Variants in CDH13 observed in about 807,000 individuals in gnomAD.
CDH13 encodes the protein cadherin-13.
CDH13 carries 24 observed loss-of-function variants against 63.8 expected under a neutral mutation model. The observed-to-expected ratio is 0.38, with a 90% CI of 0.27 to 0.53. The LOEUF is 0.53. Among genes scored for constraint, CDH13 ranks in the 20% least tolerant of loss-of-function variants. The pLI, the probability that CDH13 is intolerant of heterozygous loss-of-function variation, is 0.85. For missense variants in CDH13, 1,049 were observed against 903.1 expected, an observed-to-expected ratio of 1.16 and a Z score of -2.07; for synonymous variants, 503 against 355.3, an observed-to-expected ratio of 1.42 and a Z score of -4.67.
intron 3 of CDH13, among the ~76,000 whole-genome samples, chr16:83,066,950 A>G (rs932770471): frequency 6.6e-6 from 1 of 152,176 alleles, no homozygotes; most frequent in African/African-American, 2.4e-5. Flanking sequence ...TTTGTCACCA[A>G]ATGCTGAAGT....
intron 10 of CDH13, among the ~76,000 whole-genome samples, chr16:83,704,616 T>C (rs146948932): frequency 1.6e-3 from 245 of 152,326 alleles, no homozygotes; most frequent in African/African-American, 5.7e-3. Flanking sequence ...TCCCCATCAG[T>C]GCAATTCTAA....
chr16:83,188,831 C>T (rs4563032), intron 4 of CDH13, among the ~76,000 whole-genome samples: 25,787 of 152,148 alleles, frequency 0.17, 2,229 homozygotes, highest in South Asian at 0.2. Context: ...CCTTCTTCAG[C>T]TGCTTGTCGC....
chr16:82,651,527 G>C (rs1170899632), intron 1 of CDH13, among the ~76,000 whole-genome samples: 2 of 152,202 alleles, frequency 1.3e-5, no homozygotes, highest in Admixed American at 1.3e-4. Context: ...TATATGGGTG[G>C]CGTATCTTCT....
At chr16:82,638,816 C>T (rs943272527) in intron 1 of CDH13, among the ~76,000 whole-genome samples, 9 of 51,166 alleles carry the variant, frequency 1.8e-4, no homozygotes, top group Admixed American at 5.5e-4. Context: ...TTTATTAGGG[C>T]AGTGTGTGCG....
chr16:82,825,327 C>T (rs1219593677), intron 1 of CDH13: 9 of 152,126 alleles, frequency 5.9e-5, no homozygotes, highest in East Asian at 5.8e-4. Context: ...TTTCACAACC[C>T]GAATTCACCA....
chr16:82,897,992 G>A (rs2041327626), intron 2 of CDH13, among the ~76,000 whole-genome samples: 1 of 152,158 alleles, frequency 6.6e-6, no homozygotes, highest in Non-Finnish European at 1.5e-5. Context: ...AAGCCACGTG[G>A]AGCTATTGAG....
chr16:83,103,720 C>G lies in CDH13; in HGVS notation c.367-21665C>G, dbSNP rs192818273. Among the ~76,000 whole-genome samples, 536 of 152,312 alleles carry G rather than the reference C, an allele frequency of 3.5e-3. 2 individuals are homozygous for G. Among genetic ancestry groups the G allele is most frequent in the Admixed American group, 5.9e-3 (91 of 15,310 alleles). ...CCTTCCTGTGCCTCACTTTCCTCAT[C>G]TGTAGTATGGGATACATCACAGAAA... On this transcript the variant is annotated intron_variant, in intron 3 of 13. Transcript: ENST00000567109.
chr16:82,853,055 A>G (rs751406090), intron 1 of CDH13, among the ~76,000 whole-genome samples: 2 of 152,226 alleles, frequency 1.3e-5, no homozygotes, highest in Admixed American at 1.3e-4. Flanking sequence ...CCTGGTATAA[A>G]GAGTGTGATT....
chr16:83,385,704 AG>A (rs1475328108), intron 6 of CDH13, among the ~76,000 whole-genome samples: 1 of 152,122 alleles, frequency 6.6e-6, no homozygotes, highest in Non-Finnish European at 1.5e-5. Flanking sequence ...GACCAATACT[AG>A]TCATGTGGCC....
At chr16:83,465,953 G>A (rs1417211659) in intron 6 of CDH13, among the ~76,000 whole-genome samples, 1 of 152,182 alleles carries the variant, frequency 6.6e-6, no homozygotes, top group African/African-American at 2.4e-5. Flanking sequence ...ACCCAGAGGC[G>A]ATCTGATGTT....
intron 3 of CDH13, among the ~76,000 whole-genome samples, chr16:83,059,943 G>A (rs372847868): frequency 5.3e-5 from 8 of 151,612 alleles, no homozygotes; most frequent in African/African-American, 7.3e-5. Context: ...ACAGGTGCCC[G>A]CCAGCACACC....
chr16:82,839,597 C>T (rs927890636), intron 1 of CDH13, among the ~76,000 whole-genome samples: 5 of 152,146 alleles, frequency 3.3e-5, no homozygotes, highest in Non-Finnish European at 7.3e-5. Context: ...CCCTCAGTAC[C>T]CCCAACTTGG....
At chr16:83,228,704 A>G (rs2039917490) in intron 5 of CDH13, among the ~76,000 whole-genome samples, 1 of 152,204 alleles carries the variant, frequency 6.6e-6, no homozygotes, top group African/African-American at 2.4e-5. Context: ...TTTAGAGCAG[A>G]CGAGGGTGGG....
At chr16:82,926,051 TAAAA>T (rs1174898269) in intron 2 of CDH13, 5 of 152,084 alleles carry the variant, frequency 3.3e-5, no homozygotes, top group African/African-American at 9.6e-5. Flanking sequence ...AAAATAAAAA[TAAAA>T]AAGACATTTT....
intron 3 of CDH13, among the ~76,000 whole-genome samples, chr16:83,055,448 G>T (rs1285073515): frequency 6.6e-6 from 1 of 150,790 alleles, no homozygotes; most frequent in Non-Finnish European, 1.5e-5. Context: ...GATCTTTCAA[G>T]AATAAGAAAA....
chr16:83,409,679 C>A (rs951951483), intron 6 of CDH13, among the ~76,000 whole-genome samples: 3 of 152,192 alleles, frequency 2.0e-5, no homozygotes, highest in African/African-American at 7.2e-5. Context: ...AATGGCATCT[C>A]CCACACATGA....
At chr16:82,683,350 C>G (rs561652510) in intron 1 of CDH13, among the ~76,000 whole-genome samples, 1 of 152,304 alleles carries the variant, frequency 6.6e-6, no homozygotes, top group East Asian at 1.9e-4. Context: ...AGATGCTAGC[C>G]TGTTCTTGCC....
chr16:83,027,882 A>G (rs983518024), intron 2 of CDH13, among the ~76,000 whole-genome samples: 1 of 152,228 alleles, frequency 6.6e-6, no homozygotes, highest in African/African-American at 2.4e-5. Flanking sequence ...TTATAAGAGT[A>G]GTAAATTGAT....
intron 2 of CDH13, among the ~76,000 whole-genome samples, chr16:82,980,707 G>C (rs1452137995): frequency 6.6e-6 from 1 of 152,148 alleles, no homozygotes; most frequent in Non-Finnish European, 1.5e-5. Context: ...CATATACAGA[G>C]TCAGAGCCCT....
Sources: gnomAD v4.1 joint callset for allele counts (sites outside exome capture counted in the v4.1 genomes callset) on GRCh38, gnomAD v4.1.1 for gene constraint, MANE v1.5 for transcripts, NCBI Gene and HGNC (gene_info 2026-07-23, HGNC 2026-07-21) for gene names.